The following AGTPBP1 variants were observed in gnomAD, a reference collection of about 807,000 sequenced individuals.
AGTPBP1 encodes the protein ATP/GTP binding carboxypeptidase 1.
AGTPBP1 carries 70 observed loss-of-function variants against 143.9 expected under a neutral mutation model. The observed-to-expected ratio is 0.49, with a 90% confidence interval of 0.40 to 0.59. AGTPBP1 has a LOEUF of 0.59. Ranked by LOEUF, AGTPBP1 falls within the 20% of genes least tolerant of loss-of-function variation. The pLI, the probability that AGTPBP1 is intolerant of heterozygous loss-of-function variation, is 0.00. For missense variants in AGTPBP1, 1,229 were observed against 1,464.5 expected, an observed-to-expected ratio of 0.84 and a Z score of 2.62; for synonymous variants, 463 against 500.2, an observed-to-expected ratio of 0.93 and a Z score of 0.99.
intron 17 of AGTPBP1, among the ~76,000 whole-genome samples, chr9:85,599,421 C>T (rs1289410900): frequency 2.0e-5 from 3 of 152,064 alleles, no homozygotes; most frequent in Non-Finnish European, 4.4e-5. Context: ...GGTGGCATTG[C>T]TCCACATTTT....
At chr9:85,741,595 C>G (rs1824284584) in intron 1 of AGTPBP1, 180 bp downstream of exon 1, 1 of 985,404 alleles carries the variant, frequency 1.0e-6, no homozygotes, top group Middle Eastern at 5.2e-4. Context: ...CCCTCAAGAC[C>G]GAGTGCGTTC....
chr9:85,771,992 T>C, the AGTPBP1 span, among the ~76,000 whole-genome samples: 1 of 148,298 alleles, frequency 6.7e-6, no homozygotes, highest in African/African-American at 2.5e-5. Context: ...GTTCTTTTTT[T>C]TTTTTTTCCC....
At chr9:85,602,231 A>G (rs1207648766) in intron 17 of AGTPBP1, among the ~76,000 whole-genome samples, 3 of 152,228 alleles carry the variant, frequency 2.0e-5, no homozygotes, top group Non-Finnish European at 4.4e-5. Flanking sequence ...GAGAACACAG[A>G]TAAACAATAC....
intron 25 of AGTPBP1, among the ~76,000 whole-genome samples, chr9:85,560,737 G>A (rs1412372264): frequency 6.6e-6 from 1 of 152,122 alleles, no homozygotes; most frequent in Admixed American, 6.5e-5. Context: ...GTGAAAGAAA[G>A]AATAGGTGAA....
chr9:85,681,162 C>T (rs1372465603), intron 4 of AGTPBP1, 106 bp downstream of exon 4: 10 of 970,450 alleles, frequency 1.0e-5, no homozygotes, highest in East Asian at 7.5e-5. Context: ...TATATATGTA[C>T]GTGTGTATGT....
At chr9:85,694,259 A>T (rs1338246665) in intron 2 of AGTPBP1, among the ~76,000 whole-genome samples, 1 of 152,066 alleles carries the variant, frequency 6.6e-6, no homozygotes, top group East Asian at 1.9e-4. Flanking sequence ...TTCATTCTCA[A>T]AGTACTTGCT....
At chr9:85,559,978 A>C (rs898937630) in intron 25 of AGTPBP1, among the ~76,000 whole-genome samples, 28 of 152,004 alleles carry the variant, frequency 1.8e-4, no homozygotes, top group African/African-American at 6.0e-4. Flanking sequence ...CTATTTTCTG[A>C]CTCATCCTTC....
chr9:85,789,608 C>T, the AGTPBP1 span, among the ~76,000 whole-genome samples: 1 of 152,094 alleles, frequency 6.6e-6, no homozygotes, highest in Non-Finnish European at 1.5e-5. Flanking sequence ...TGCTTTTGTG[C>T]TTTAATGTTT....
At chr9:85,602,778 T>C (rs1296131576) in intron 17 of AGTPBP1, among the ~76,000 whole-genome samples, 2 of 152,016 alleles carry the variant, frequency 1.3e-5, no homozygotes, top group Admixed American at 1.3e-4. Context: ...GGAAAGACAA[T>C]CTGGAATTGC....
intron 14 of AGTPBP1, among the ~76,000 whole-genome samples, chr9:85,625,594 G>GT (rs542122300): frequency 5.6e-4 from 82 of 146,434 alleles, no homozygotes; most frequent in South Asian, 2.1e-3. Flanking sequence ...TAAAAATACA[G>GT]TTTTTTTTTT....
chr9:85,804,139 C>G, the AGTPBP1 span, among the ~76,000 whole-genome samples: 1 of 152,128 alleles, frequency 6.6e-6, no homozygotes, highest in South Asian at 2.1e-4. Context: ...AAAAAACCTT[C>G]CTTTTCTTCC....
At chr9:85,664,320 A>G (rs1417247213) in intron 8 of AGTPBP1, among the ~76,000 whole-genome samples, 1 of 152,150 alleles carries the variant, frequency 6.6e-6, no homozygotes, top group South Asian at 2.1e-4. Context: ...CTTTGCCTTC[A>G]TAGGCCCCTC....
At chr9:85,794,758 C>G in the AGTPBP1 span, among the ~76,000 whole-genome samples, 1 of 152,184 alleles carries the variant, frequency 6.6e-6, no homozygotes, top group Admixed American at 6.5e-5. Context: ...TAGCAATATT[C>G]AGTCTTCCAA....
intron 17 of AGTPBP1, among the ~76,000 whole-genome samples, chr9:85,613,869 T>C (rs187675304): frequency 9.2e-5 from 14 of 152,150 alleles, no homozygotes; most frequent in Middle Eastern, 3.4e-3. Context: ...AAATCAAAAA[T>C]AGCTGTATCA....
At chr9:85,664,102 C>G (rs1833996253) in intron 8 of AGTPBP1, among the ~76,000 whole-genome samples, 1 of 152,126 alleles carries the variant, frequency 6.6e-6, no homozygotes, top group African/African-American at 2.4e-5. Context: ...ATATAAAATT[C>G]CTGAACTTAC....
At chr9:85,749,097 C>T in the AGTPBP1 span, among the ~76,000 whole-genome samples, 2 of 148,692 alleles carry the variant, frequency 1.3e-5, no homozygotes, top group Non-Finnish European at 3.0e-5. Flanking sequence ...TGGGCTCAAG[C>T]GATCCTCCCA....
At chr9:85,667,903 TAAAA>T (rs11433029) in intron 8 of AGTPBP1, among the ~76,000 whole-genome samples, 2 of 99,326 alleles carry the variant, frequency 2.0e-5, no homozygotes, top group African/African-American at 3.6e-5. Context: ...AAGCCAACTG[TAAAA>T]AAAAAAAAAA....
chr9:85,648,914 T>C (rs892999620), intron 11 of AGTPBP1, among the ~76,000 whole-genome samples: 15 of 152,196 alleles, frequency 9.9e-5, no homozygotes, highest in Admixed American at 6.6e-4. Context: ...AGAGAAAATA[T>C]GTTTTCAATT....
chr9:85,594,846 A>G (rs2133258226), intron 18 of AGTPBP1, among the ~76,000 whole-genome samples: 1 of 152,298 alleles, frequency 6.6e-6, no homozygotes, highest in African/African-American at 2.4e-5. Context: ...GCATTCATTG[A>G]TTGACAATTT....
Sources: allele counts gnomAD v4.1 joint callset (sites outside exome capture counted in the v4.1 genomes callset), GRCh38; gene constraint gnomAD v4.1.1; transcripts MANE v1.5; gene names NCBI Gene and HGNC (gene_info 2026-07-23, HGNC 2026-07-21).